Variants in CHRM3 observed in about 807,000 individuals in gnomAD.
CHRM3 encodes cholinergic receptor muscarinic 3, also known as muscarinic acetylcholine receptor M3.
Under a neutral mutation model 41.8 loss-of-function variants are expected in CHRM3, and 11 were observed. The observed-to-expected ratio is 0.26, with a 90% CI of 0.17 to 0.44. The LOEUF is 0.44. Among genes scored for constraint, CHRM3 ranks in the 20% least tolerant of loss-of-function variants. CHRM3 has a pLI of 1.00. For synonymous variants in CHRM3, 297 were observed against 301.4 expected, an observed-to-expected ratio of 0.99 and a Z score of 0.15; for missense variants, 571 against 745.4, an observed-to-expected ratio of 0.77 and a Z score of 2.72.
At chr1:239,482,047 A>G (rs1049454437) in intron 1 of CHRM3, among the ~76,000 whole-genome samples, 2 of 151,938 alleles carry the variant, frequency 1.3e-5, no homozygotes, top group Non-Finnish European at 2.9e-5. Flanking sequence ...TCTTTTTTCT[A>G]TTACAAAGGC....
At chr1:239,513,345 T>G (rs1669048830) in intron 2 of CHRM3, among the ~76,000 whole-genome samples, 1 of 152,218 alleles carries the variant, frequency 6.6e-6, no homozygotes, top group Admixed American at 6.5e-5. Flanking sequence ...TAGGTGTTTA[T>G]CTCATTGTTG....
chr1:239,780,535 T>A (rs1035366695), intron 5 of CHRM3, among the ~76,000 whole-genome samples: 12 of 152,290 alleles, frequency 7.9e-5, no homozygotes, highest in African/African-American at 2.9e-4. Flanking sequence ...TCTTTATGTG[T>A]TTTGCAAATA....
At chr1:239,444,962 AG>A (rs1256459036) in intron 1 of CHRM3, among the ~76,000 whole-genome samples, 1 of 152,202 alleles carries the variant, frequency 6.6e-6, no homozygotes, top group Admixed American at 6.5e-5. Flanking sequence ...ACAAGAAGAG[AG>A]GAGGATCAGC....
intron 5 of CHRM3, among the ~76,000 whole-genome samples, chr1:239,769,415 C>T (rs967753840): frequency 6.6e-6 from 1 of 152,110 alleles, no homozygotes; most frequent in Non-Finnish European, 1.5e-5. Flanking sequence ...GACAGAGAGC[C>T]CCAAGATGTT....
At chr1:239,491,772 G>T (rs1667571609) in intron 1 of CHRM3, among the ~76,000 whole-genome samples, 1 of 152,032 alleles carries the variant, frequency 6.6e-6, no homozygotes, top group South Asian at 2.1e-4. Context: ...GCTGTTTTTT[G>T]CAGTGGCTGT....
chr1:239,537,836 C>G (rs892376512), intron 2 of CHRM3, among the ~76,000 whole-genome samples: 1 of 152,158 alleles, frequency 6.6e-6, no homozygotes, highest in East Asian at 1.9e-4. Flanking sequence ...ATTAAAGAAT[C>G]AGATAGATTA....
At chr1:239,882,068 G>A (rs1246485942) in intron 6 of CHRM3, among the ~76,000 whole-genome samples, 4 of 151,966 alleles carry the variant, frequency 2.6e-5, no homozygotes, top group African/African-American at 7.3e-5. Context: ...ACCATGCCCC[G>A]CTAATTTTTG....
Position 239,586,748 on chromosome 1 carries a change from C to T in CHRM3, c.-313+40999C>T, listed in dbSNP as rs73120665. On this transcript the variant is annotated intron_variant, in intron 3 of 6. Coordinates refer to ENST00000676153, the MANE Select transcript of CHRM3 (RefSeq NM_001375978.1). ...GTGCTATAAGACTCTAAATTTCTTT[C>T]AGTGAGTTATAATTATTTCCTGCAC... 9.0e-3 allele frequency among the ~76,000 whole-genome samples: 1,371 copies of T among 152,234 alleles called. 18 individuals carry two copies. Among genetic ancestry groups the T allele is most frequent in the African/African-American group, 0.032 (1,317 of 41,546 alleles).
At chr1:239,751,070 A>G (rs1375759771) in intron 5 of CHRM3, among the ~76,000 whole-genome samples, 4 of 152,062 alleles carry the variant, frequency 2.6e-5, no homozygotes, top group Non-Finnish European at 5.9e-5. Context: ...TCTACTAAAA[A>G]TAAAAAATAA....
At chr1:239,749,025 C>G (rs979298216) in intron 5 of CHRM3, among the ~76,000 whole-genome samples, 2 of 152,230 alleles carry the variant, frequency 1.3e-5, no homozygotes, top group South Asian at 4.1e-4. Flanking sequence ...GGGTCTGAGC[C>G]GTACGGTCAC....
intron 3 of CHRM3, among the ~76,000 whole-genome samples, chr1:239,550,050 TCCCAGAGAGGTTTATGTGA>T (rs748858002): frequency 7.9e-5 from 12 of 151,892 alleles, no homozygotes; most frequent in Non-Finnish European, 1.8e-4. Flanking sequence ...GCTGTGAATT[TCCCAGAGAGGTTTATGTGA>T]CCCTCTCTCA....
intron 2 of CHRM3, among the ~76,000 whole-genome samples, chr1:239,537,530 T>G (rs1558300732): frequency 6.6e-6 from 1 of 152,120 alleles, no homozygotes; most frequent in Non-Finnish European, 1.5e-5. Context: ...CGCTGGGGAT[T>G]CCATCTCAAC....
intron 5 of CHRM3, among the ~76,000 whole-genome samples, chr1:239,802,395 C>G (rs1040616641): frequency 1.3e-5 from 2 of 152,166 alleles, no homozygotes; most frequent in Non-Finnish European, 2.9e-5. Context: ...CCAAGAAATA[C>G]AGCAGGAGCT....
At chr1:239,520,658 C>T (rs1394023015) in intron 2 of CHRM3, among the ~76,000 whole-genome samples, 2 of 152,068 alleles carry the variant, frequency 1.3e-5, no homozygotes, top group Non-Finnish European at 2.9e-5. Flanking sequence ...TATTGCAATG[C>T]AGGAACAGCC....
At chr1:239,664,048 G>A (rs1458871711) in intron 4 of CHRM3, among the ~76,000 whole-genome samples, 1 of 152,140 alleles carries the variant, frequency 6.6e-6, no homozygotes, top group African/African-American at 2.4e-5. Context: ...TTTATCCTCT[G>A]GGTCTTCCTT....
At chr1:239,707,086 G>A (rs1282465368) in intron 5 of CHRM3, 2 of 152,186 alleles carry the variant, frequency 1.3e-5, no homozygotes, top group African/African-American at 2.4e-5. Context: ...CTGGGTAACT[G>A]TGGACAAATG....
intron 6 of CHRM3, among the ~76,000 whole-genome samples, chr1:239,844,474 G>C (rs2149188269): frequency 1.3e-5 from 2 of 152,260 alleles, no homozygotes; most frequent in Admixed American, 6.5e-5. Flanking sequence ...AACTATACCT[G>C]TTCACTCAGA....
intron 6 of CHRM3, among the ~76,000 whole-genome samples, chr1:239,833,600 C>A (rs1368028353): frequency 6.6e-6 from 1 of 152,142 alleles, no homozygotes; most frequent in East Asian, 1.9e-4. Flanking sequence ...TCGTTGTGAC[C>A]AAGCCGAGGA....
chr1:239,620,743 A>G (rs536872835), intron 3 of CHRM3, among the ~76,000 whole-genome samples: 29 of 152,154 alleles, frequency 1.9e-4, no homozygotes, highest in Non-Finnish European at 3.2e-4. Flanking sequence ...GGAAGCAACC[A>G]TAATTCTATA....
Sources: gnomAD v4.1 joint callset for allele counts (sites outside exome capture counted in the v4.1 genomes callset) on GRCh38, gnomAD v4.1.1 for gene constraint, MANE v1.5 for transcripts, NCBI Gene and HGNC (gene_info 2026-07-23, HGNC 2026-07-21) for gene names.